Variants in NIPBL observed in about 807,000 individuals in gnomAD.
The protein encoded by NIPBL is NIPBL cohesin loading factor, also known as nipped-B-like protein.
A neutral mutation model predicts 321.8 loss-of-function variants in NIPBL; 19 were observed. The ratio of observed to expected loss-of-function variants is 0.06; its 90% CI spans 0.04 to 0.09. The LOEUF is 0.09. Ranked by LOEUF, NIPBL falls within the 10% of genes least tolerant of loss-of-function variation. The probability of loss-of-function intolerance (pLI) is 1.00; values close to 1 mark genes in which losing one functional copy is unlikely to be tolerated. For synonymous variants in NIPBL, 1,106 were observed against 1,114.1 expected, an observed-to-expected ratio of 0.99 and a Z score of 0.14; for missense variants, 2,210 against 3,327.0, an observed-to-expected ratio of 0.66 and a Z score of 8.26.
At chr5:37,019,174 G>T (rs980789547) in intron 24 of NIPBL, 137 bp from the exon 25 acceptor site, 1 of 671,306 alleles carries the variant, frequency 1.5e-6, no homozygotes, top group Non-Finnish European at 2.6e-6. Flanking sequence ...ATATTTTTCT[G>T]TTTTTTCCTT....
intron 34 of NIPBL, among the ~76,000 whole-genome samples, chr5:37,040,450 G>A (rs1311103063): frequency 1.3e-5 from 2 of 151,926 alleles, no homozygotes; most frequent in Non-Finnish European, 2.9e-5. Context: ...ATGGTTGACC[G>A]GGTTTTGTAA....
At chr5:37,003,737 A>G (rs1033533109) in intron 16 of NIPBL, among the ~76,000 whole-genome samples, 2 of 152,202 alleles carry the variant, frequency 1.3e-5, no homozygotes, top group Non-Finnish European at 1.5e-5. Context: ...TGAGCATGTT[A>G]CCATGAATTA....
At chr5:37,017,912 A>G (rs1435749825) in intron 24 of NIPBL, among the ~76,000 whole-genome samples, 1 of 152,162 alleles carries the variant, frequency 6.6e-6, no homozygotes, top group Non-Finnish European at 1.5e-5. Context: ...CTCATCTTTC[A>G]AAATATAGAT....
intron 1 of NIPBL, among the ~76,000 whole-genome samples, chr5:36,892,912 C>T (rs1263752958): frequency 1.3e-5 from 2 of 152,090 alleles, no homozygotes; most frequent in African/African-American, 4.8e-5. Flanking sequence ...ACGTTGTGCA[C>T]GTGTACCCTA....
chr5:36,979,999 A>G (rs983168770), intron 9 of NIPBL, among the ~76,000 whole-genome samples: 4 of 151,724 alleles, frequency 2.6e-5, no homozygotes, highest in Non-Finnish European at 4.4e-5. Context: ...GTTGATAGTA[A>G]CAAAAACAGA....
chr5:36,893,804 A>G (rs1746523789), intron 1 of NIPBL, among the ~76,000 whole-genome samples: 2 of 152,306 alleles, frequency 1.3e-5, no homozygotes, highest in Non-Finnish European at 2.9e-5. Context: ...AGATGTGTTT[A>G]GTTCTGAAGA....
Position 37,064,576 on chromosome 5 carries a change from A to T in NIPBL, c.8099A>T (p.Gln2700Leu). The T allele has an allele frequency of 6.2e-7, 1 of 1,614,214 alleles. No homozygotes were observed. Among genetic ancestry groups the T allele is most frequent in the Non-Finnish European group, 8.5e-7 (1 of 1,180,048 alleles). ...TCAGACTCTACGGAGTTGGCAGCAC[A>T]GATGAATGAAAGTGTTGACGTCATG... ...RNSDSTELAA[Q>L]MNESVDVMDV... Residue 2700 changes from glutamine to leucine, a missense_variant, in exon 47 of 47, where the codon CAG (glutamine) becomes CTG (leucine). By Grantham distance (113) the Gln-to-Leu change is moderately radical. Around this residue, in one of 14 missense-constraint regions of NIPBL, gnomAD observed 159 missense variants for 319.2 expected, o/e 0.50. Coordinates refer to ENST00000282516, the MANE Select transcript of NIPBL (RefSeq NM_133433.4).
intron 1 of NIPBL, among the ~76,000 whole-genome samples, chr5:36,943,315 G>A (rs1250257067): frequency 6.6e-6 from 1 of 152,078 alleles, no homozygotes; most frequent in East Asian, 1.9e-4. Flanking sequence ...AACTACTTAG[G>A]AATGAATCTG....
chr5:37,041,293 TCA>T (rs1463071651), intron 34 of NIPBL, among the ~76,000 whole-genome samples: 1 of 117,760 alleles, frequency 8.5e-6, no homozygotes, highest in Non-Finnish European at 1.6e-5. Context: ...AGACTGAGGC[TCA>T]CACTGTCACC....
intron 1 of NIPBL, among the ~76,000 whole-genome samples, chr5:36,880,334 A>G (rs181215354): frequency 1.3e-5 from 2 of 152,222 alleles, no homozygotes; most frequent in East Asian, 3.9e-4. Flanking sequence ...AAGATGTAGT[A>G]ATTAATAATA....
rs373126083 is a variant in NIPBL at position 37,045,622 on chromosome 5, C to T, written c.6498+25C>T. 1.9e-6 allele frequency: 3 copies of T among 1,608,868 alleles called. No homozygotes were observed. The South Asian group carries it at 3.3e-5, about 18-fold the overall frequency. ...GGTAAAGGTAGTAATACTTAAAATG[C>T]TATAAAACATAGAGCTATATGGCAC... On this transcript the variant is annotated intron_variant, in intron 37 of 46. Transcript: ENST00000282516.
intron 1 of NIPBL, among the ~76,000 whole-genome samples, chr5:36,938,347 C>T (rs1157966787): frequency 1.3e-5 from 2 of 151,800 alleles, no homozygotes; most frequent in South Asian, 4.2e-4. Flanking sequence ...CACACACACC[C>T]CCGACCACCA....
At chr5:37,057,837 G>A (rs925382543) in intron 43 of NIPBL, among the ~76,000 whole-genome samples, 1 of 152,108 alleles carries the variant, frequency 6.6e-6, no homozygotes, top group African/African-American at 2.4e-5. Flanking sequence ...CATTGTTTCT[G>A]TCATGACTTT....
chr5:37,053,808 T>C (rs959153912), intron 42 of NIPBL, among the ~76,000 whole-genome samples: 4 of 152,218 alleles, frequency 2.6e-5, no homozygotes, highest in Non-Finnish European at 5.9e-5. Context: ...TACCAGCCAT[T>C]GCGCTAAGAA....
At position 37,065,115 on chromosome 5, in the gene NIPBL, A is replaced by G; in HGVS notation, c.*223A>G. 1 of 568,220 alleles carries G rather than the reference A, an allele frequency of 1.8e-6. No individual in the cohort carries two copies. Among genetic ancestry groups the G allele is most frequent in the Non-Finnish European group, 3.1e-6 (1 of 323,926 alleles). 35.2% of individuals were successfully genotyped at this position (568,220 alleles called of 1,614,324 possible). Reference sequence around the variant, plus strand: ...AGTTCATTTTTACTCCCACTGTATTATAGTTTAACAAAAATTGTTTATATC... The same window carrying G: ...AGTTCATTTTTACTCCCACTGTATTGTAGTTTAACAAAAATTGTTTATATC... On this transcript the variant is annotated 3_prime_UTR_variant, in exon 47 of 47. Coordinates refer to ENST00000282516, the MANE Select transcript of NIPBL (RefSeq NM_133433.4).
intron 1 of NIPBL, among the ~76,000 whole-genome samples, chr5:36,947,801 G>A (rs1342302771): frequency 6.6e-6 from 1 of 151,708 alleles, no homozygotes; most frequent in Admixed American, 6.6e-5. Flanking sequence ...GAATTCCCCA[G>A]CATCTCAGCA....
chr5:37,041,734 T>C (rs928512075), intron 34 of NIPBL, among the ~76,000 whole-genome samples: 2 of 152,038 alleles, frequency 1.3e-5, no homozygotes, highest in Non-Finnish European at 2.9e-5. Flanking sequence ...CCGGCTAATT[T>C]TTGTATTTTT....
intron 34 of NIPBL, among the ~76,000 whole-genome samples, chr5:37,040,535 C>T (rs1752220833): frequency 6.6e-6 from 1 of 152,014 alleles, no homozygotes; most frequent in South Asian, 2.1e-4. Context: ...TATCTAATTC[C>T]TTGTTTTAGA....
At chr5:36,951,486 A>G (rs185646844) in intron 1 of NIPBL, among the ~76,000 whole-genome samples, 159 of 152,300 alleles carry the variant, frequency 1.0e-3, no homozygotes, top group Admixed American at 1.7e-3. Flanking sequence ...TTTTCATTCA[A>G]TGGTTTCTTT....
Sources: allele counts gnomAD v4.1 joint callset (sites outside exome capture counted in the v4.1 genomes callset), GRCh38; gene constraint gnomAD v4.1.1; regional missense constraint gnomAD v4.1.1; transcripts MANE v1.5; gene names NCBI Gene and HGNC (gene_info 2026-07-23, HGNC 2026-07-21).